PAPOLA: variants seen among roughly 807,000 people sequenced by gnomAD.
PAPOLA encodes poly(A) polymerase alpha, also known as polynucleotide adenylyltransferase alpha.
Under a neutral mutation model 100.6 loss-of-function variants are expected in PAPOLA, and 15 were observed. The observed-to-expected ratio is 0.15, with a 90% CI of 0.10 to 0.23. PAPOLA has a LOEUF of 0.23. PAPOLA is among the 10% of genes least tolerant of loss of function. The pLI, the probability that PAPOLA is intolerant of heterozygous loss-of-function variation, is 1.00. For synonymous variants in PAPOLA, 293 were observed against 300.0 expected (o/e 0.98, Z 0.24); for missense variants, 533 against 884.2 (o/e 0.60, Z 5.04).
Position 96,542,268 on chromosome 14 carries a change from G to A in PAPOLA, c.1141G>A (p.Ala381Thr). 2 of 1,602,246 alleles carry A rather than the reference G, an allele frequency of 1.2e-6. No homozygotes were observed. Among genetic ancestry groups the A allele is most frequent in the Non-Finnish European group, 1.7e-6 (2 of 1,169,822 alleles). Residue 381 changes from alanine to threonine, a missense_variant, in exon 13 of 22, where the codon GCA becomes ACA. Coordinates refer to ENST00000216277, the MANE Select transcript of PAPOLA (RefSeq NM_032632.5). Reference sequence around the variant, plus strand: ...GCATTATATTGTACTTCTAGCAAGTGCACCAACAGAAAAACAACGCCTGGA... The same window carrying A: ...GCATTATATTGTACTTCTAGCAAGTACACCAACAGAAAAACAACGCCTGGA... ...YKHYIVLLAS[A>T]PTEKQRLEWV...
rs192813019 is a variant in PAPOLA at position 96,510,481 on chromosome 14, G to A, written c.8+7881G>A. 2.0e-3 allele frequency among the ~76,000 whole-genome samples: 300 copies of A among 150,490 alleles called. 6 individuals are homozygous for A. Among genetic ancestry groups the A allele is most frequent in the East Asian group, 2.0e-3 (10 of 5,128 alleles). On this transcript the variant is annotated intron_variant, in intron 1 of 21. Transcript: ENST00000216277. ...AGAGAGAGGGACACAACACACACGC[G>A]CGCGTGCGCTTGTGCGCAAAGGGGC... is the stretch of plus-strand genomic sequence containing the variant.
chr14:96,532,265 T>G, intron 7 of PAPOLA, 66 bp from the exon 8 acceptor site: 1 of 1,495,608 alleles, frequency 6.7e-7, no homozygotes, highest in Non-Finnish European at 8.9e-7. Flanking sequence ...AATGTTGTTT[T>G]TTTTTGTTTT....
intron 1 of PAPOLA, among the ~76,000 whole-genome samples, chr14:96,515,598 C>CT (rs1336609025): frequency 6.6e-6 from 1 of 152,142 alleles, no homozygotes; most frequent in Non-Finnish European, 1.5e-5. Flanking sequence ...AGAGAGCTTG[C>CT]TAGATGGCTG....
chr14:96,504,705 T>C (rs998724900), intron 1 of PAPOLA: 1 of 152,172 alleles, frequency 6.6e-6, no homozygotes, highest in African/African-American at 2.4e-5. Flanking sequence ...AAAAAGTAAG[T>C]ATACGATAAT....
intron 7 of PAPOLA, chr14:96,531,965 A>G: frequency 8.0e-7 from 1 of 1,257,688 alleles, no homozygotes; most frequent in Middle Eastern, 3.1e-4. Context: ...TTATATTAGC[A>G]TAGCTTGTTA....
In PAPOLA at chr14:96,559,581, C is replaced by CTCTCTCTATATA. The variant is rs370979875; in HGVS notation, c.2005-1067_2005-1066insCTCTCTATATAT. ...TCTCTCTCTCTCTCTCTCTCTCTCTCTATATATATATATATACACACACAC... is the reference window on the plus strand; with the variant it reads ...TCTCTCTCTCTCTCTCTCTCTCTCTCTCTCTCTATATATATATATATATATATACACACACAC... On this transcript the variant is annotated intron_variant, in intron 19 of 21. Coordinates refer to ENST00000216277, the MANE Select transcript of PAPOLA (RefSeq NM_032632.5). 1.5e-3 allele frequency among the ~76,000 whole-genome samples: 185 copies of CTCTCTCTATATA among 120,168 alleles called. 1 individual carries two copies. The highest frequency in any genetic ancestry group is 2.3e-3 in the African/African-American group (68 of 29,808). 78.8% of individuals were successfully genotyped at this position (120,168 alleles called of 152,430 possible).
chr14:96,565,708 T>C lies in PAPOLA; in HGVS notation c.*658T>C, dbSNP rs1902219433. 1 of 397,922 alleles carries C rather than the reference T, an allele frequency of 2.5e-6. No individual in the cohort carries two copies. The highest frequency in any genetic ancestry group is 4.4e-5 in the Admixed American group (1 of 22,712). The allele number at this position is 397,922 out of a possible 1,614,324, so 24.6% of individuals were successfully genotyped here. A position where few individuals can be genotyped will look rare whatever the true frequency, so the allele number is the denominator to read the frequency against. The stretch of plus-strand genomic sequence containing the variant: ...AGGGTCATGATTAAGAAATGATATA[T>C]TGGTTTTATTTATGGAATTGTTTTA... On this transcript the variant is annotated 3_prime_UTR_variant, in exon 22 of 22. Coordinates refer to ENST00000216277, the MANE Select transcript of PAPOLA (RefSeq NM_032632.5).
Position 96,555,846 on chromosome 14 carries a change from G to A in PAPOLA, c.1665-1G>A. The stretch of plus-strand genomic sequence containing the variant: ...ACAATTTTTAATTTTTTTTTTTTTA[G>A]CAGAAACAGTCCTGCTCCAGCTGTA... On this transcript the variant is annotated splice_acceptor_variant, in intron 17 of 21. Transcript: ENST00000216277. LOFTEE classifies it high-confidence loss of function. The A allele has an allele frequency of 2.2e-6, 3 of 1,393,510 alleles. No homozygotes were observed. Among genetic ancestry groups the A allele is most frequent in the South Asian group, 3.1e-5 (2 of 64,024 alleles). 86.3% of individuals were successfully genotyped at this position (1,393,510 alleles called of 1,614,324 possible). A position where few individuals can be genotyped will look rare whatever the true frequency, so the allele number is the denominator to read the frequency against.
At chr14:96,503,411 T>G (rs1232275998) in intron 1 of PAPOLA, among the ~76,000 whole-genome samples, 1 of 152,136 alleles carries the variant, frequency 6.6e-6, no homozygotes, top group East Asian at 1.9e-4. Context: ...CTAATGCCAC[T>G]GCGCCTTTTT....
chr14:96,556,226 C>T lies in PAPOLA; in HGVS notation c.1817C>T (p.Pro606Leu), dbSNP rs201814369. 1.2e-6 allele frequency: 2 copies of T among 1,614,030 alleles called. No individual in the cohort carries two copies. Among genetic ancestry groups the T allele is most frequent in the East Asian group, 2.2e-5 (1 of 44,880 alleles). ...ACTGCCACACAACCAGCCATTTCTC[C>T]ACCACCAAAGCCTACGGTCTCCAGA... Reference protein sequence around the residue: ...PQTATQPAISPPPKPTVSRVV... With the variant: ...PQTATQPAISLPPKPTVSRVV... Residue 606 changes from proline to leucine, a missense_variant, in exon 19 of 22, where the codon CCA (proline) becomes CTA (leucine). Pro to Leu is a moderately conservative substitution (Grantham distance 98). This residue lies in a region of PAPOLA where 242 missense variants were observed against 281.0 expected (regional missense o/e 0.86). Coordinates refer to ENST00000216277, the MANE Select transcript of PAPOLA (RefSeq NM_032632.5).
intron 1 of PAPOLA, among the ~76,000 whole-genome samples, chr14:96,511,036 G>A (rs554568233): frequency 1.3e-5 from 2 of 152,190 alleles, no homozygotes; most frequent in African/African-American, 2.4e-5. Context: ...GTGATGAATT[G>A]TTACTTTAAA....
chr14:96,535,682 ATTAGT>A lies in PAPOLA; in HGVS notation c.910-192_910-188del, dbSNP rs1461438781. The A allele has an allele frequency of 8.7e-6, 7 of 802,504 alleles. No homozygotes were observed. The Admixed American group carries it at 1.3e-4, about 15-fold the overall frequency. 49.7% of individuals were successfully genotyped at this position (802,504 alleles called of 1,614,324 possible). ...GCCAAAATCCAAATTGAAGCAGATC[ATTAGT>A]TTAGATGAAATCTTTGATTCTATAA... is the stretch of plus-strand genomic sequence containing the variant. On this transcript the variant is annotated intron_variant, in intron 10 of 21. Transcript: ENST00000216277.
intron 17 of PAPOLA, among the ~76,000 whole-genome samples, chr14:96,555,470 C>T (rs556308957): frequency 6.6e-6 from 1 of 152,116 alleles, no homozygotes; most frequent in African/African-American, 2.4e-5. Context: ...TAGAACCACT[C>T]TGGCGATATA....
intron 1 of PAPOLA, among the ~76,000 whole-genome samples, chr14:96,504,896 C>T (rs1820532256): frequency 1.3e-5 from 2 of 152,014 alleles, no homozygotes; most frequent in Admixed American, 6.6e-5. Context: ...TTTGGTATAC[C>T]TGTCCTAATG....
chr14:96,505,051 A>G (rs1296622898), intron 1 of PAPOLA, among the ~76,000 whole-genome samples: 3 of 152,170 alleles, frequency 2.0e-5, no homozygotes, highest in African/African-American at 7.2e-5. Flanking sequence ...ATATGTAGCT[A>G]CAAACATACT....
At chr14:96,549,558 T>A (rs1456779720) in intron 16 of PAPOLA, among the ~76,000 whole-genome samples, 5 of 152,196 alleles carry the variant, frequency 3.3e-5, no homozygotes, top group Non-Finnish European at 7.3e-5. Flanking sequence ...AAAAATTTTC[T>A]TCTTAACCTA....
At chr14:96,513,726 G>A (rs1595501148) in intron 1 of PAPOLA, among the ~76,000 whole-genome samples, 1 of 152,204 alleles carries the variant, frequency 6.6e-6, no homozygotes, top group East Asian at 1.9e-4. Context: ...TCCCTGATAT[G>A]CAGTGAAACT....
At chr14:96,531,189 A>G (rs1000837157) in intron 6 of PAPOLA, among the ~76,000 whole-genome samples, 4 of 151,982 alleles carry the variant, frequency 2.6e-5, no homozygotes, top group Non-Finnish European at 1.5e-5. Flanking sequence ...TTTTTAATAG[A>G]GACGGGGTTC....
chr14:96,520,510 G>A (rs183127846), intron 2 of PAPOLA, among the ~76,000 whole-genome samples: 2 of 152,102 alleles, frequency 1.3e-5, no homozygotes, highest in East Asian at 3.9e-4. Context: ...CGAGTAGCTG[G>A]GATTATAGGT....
Sources: allele counts gnomAD v4.1 joint callset (sites outside exome capture counted in the v4.1 genomes callset), GRCh38; gene constraint gnomAD v4.1.1; regional missense constraint gnomAD v4.1.1; transcripts MANE v1.5; gene names NCBI Gene and HGNC (gene_info 2026-07-23, HGNC 2026-07-21).